The following PKD1L1 variants were observed in gnomAD, a reference collection of about 807,000 sequenced individuals.
PKD1L1 encodes polycystin 1 like 1, transient receptor potential channel interacting, also known as polycystin-1-like protein 1.
In PKD1L1, 236 loss-of-function variants were observed where a neutral mutation model predicts 323.4. That is an observed-to-expected ratio of 0.73 (90% CI 0.66 to 0.81). PKD1L1 has a LOEUF of 0.81. Among genes scored for constraint, PKD1L1 ranks in the 40% least tolerant of loss-of-function variants. The pLI is 0.00. For missense variants in PKD1L1, 3,320 were observed against 3,508.0 expected (o/e 0.95, Z 1.35); for synonymous variants, 1,344 against 1,335.0 (o/e 1.01, Z -0.15).
intron 41 of PKD1L1, among the ~76,000 whole-genome samples, chr7:47,831,737 G>C (rs1017408294): frequency 6.6e-6 from 1 of 152,192 alleles, no homozygotes; most frequent in East Asian, 1.9e-4. Flanking sequence ...CCCTCAGAAG[G>C]CTTTTGGGGA....
chr7:47,931,286 G>A lies in PKD1L1; in HGVS notation c.555C>T (p.Ser185=), dbSNP rs753066409. Residue 185 remains serine (S), a synonymous_variant, in exon 6 of 57, where the codon AGC becomes AGT. Transcript: ENST00000289672. ...CACAGCAGGAAGCCTCCATCTTCAG[G>A]CTGCAGGGAGCTGCTGCAGAAGTGG... ...QGTTSAAAPC[S]LKMEASCCVL... 7 of 1,614,116 alleles carry A rather than the reference G, an allele frequency of 4.3e-6. No homozygotes were observed. In the South Asian group the frequency reaches 4.4e-5, roughly 10 times the overall value.
intron 41 of PKD1L1, 26 bp from the exon 42 acceptor site, chr7:47,831,378 G>A (rs1179099921): frequency 6.3e-7 from 1 of 1,594,584 alleles, no homozygotes. Flanking sequence ...ACAGAGACAA[G>A]GCAGCTTAAG....
chr7:47,821,189 G>A lies in PKD1L1; in HGVS notation c.6855-3C>T. On this transcript the variant is annotated splice_polypyrimidine_tract_variant and splice_region_variant and intron_variant, in intron 45 of 56. Coordinates refer to ENST00000289672, the MANE Select transcript of PKD1L1 (RefSeq NM_138295.5). ...TGAGGATGTCCATGGAAATGTCTCT[G>A]TAAGAAGAGTTTTTAAGTTAGCATC... is the stretch of plus-strand genomic sequence containing the variant. 1.3e-6 allele frequency: 2 copies of A among 1,583,982 alleles called. No homozygotes were observed. Among genetic ancestry groups the A allele is most frequent in the South Asian group, 1.1e-5 (1 of 90,264 alleles).
At chr7:47,801,399 G>A (rs1465340320) in intron 53 of PKD1L1, among the ~76,000 whole-genome samples, 2 of 152,204 alleles carry the variant, frequency 1.3e-5, no homozygotes, top group South Asian at 2.1e-4. Context: ...ACTTGGCCTG[G>A]GATCTGAGGG....
At chr7:47,927,511 G>A (rs1457021391) in intron 7 of PKD1L1, among the ~76,000 whole-genome samples, 1 of 152,002 alleles carries the variant, frequency 6.6e-6, no homozygotes, top group Non-Finnish European at 1.5e-5. Flanking sequence ...TGATCCACCC[G>A]CCTCGGTCTC....
At chr7:47,936,692 T>C (rs1009698564) in intron 4 of PKD1L1, among the ~76,000 whole-genome samples, 154 bp downstream of exon 4, 4 of 152,214 alleles carry the variant, frequency 2.6e-5, no homozygotes, top group Non-Finnish European at 5.9e-5. Context: ...AGAACACCAT[T>C]CTTTTTTCCA....
chr7:47,882,304 CCCTT>C (rs934547812), intron 19 of PKD1L1, among the ~76,000 whole-genome samples: 10 of 139,522 alleles, frequency 7.2e-5, no homozygotes, highest in African/African-American at 2.6e-4. Flanking sequence ...CTCCCTCCCT[CCCTT>C]CCTATCTTCC....
chr7:47,942,390 G>A (rs750919403), intron 2 of PKD1L1, among the ~76,000 whole-genome samples: 13 of 152,052 alleles, frequency 8.5e-5, no homozygotes, highest in Admixed American at 3.9e-4. Flanking sequence ...AAGAATTGGC[G>A]TTGCATTGTT....
Position 47,854,999 on chromosome 7 carries a change from T to A in PKD1L1, c.4742A>T (p.Asp1581Val). Residue 1581 changes from aspartate to valine, a missense_variant, in exon 30 of 57, where the codon GAT becomes GTT. Physicochemically the swap from Asp to Val is radical, Grantham distance 152 (BLOSUM62 -3). Coordinates refer to ENST00000289672, the MANE Select transcript of PKD1L1 (RefSeq NM_138295.5). ...RNKTTFVLLR[D>V]KVNLHQFTEL... ...AGTGAACTGATGGAGATTCACTTTATCCCGAAGTAATACAAATGTCGTTTT... is the reference window on the plus strand; with the variant it reads ...AGTGAACTGATGGAGATTCACTTTAACCCGAAGTAATACAAATGTCGTTTT... 1 of 1,613,902 alleles carries A rather than the reference T, an allele frequency of 6.2e-7. No homozygotes were observed. The highest frequency in any genetic ancestry group is 8.5e-7 in the Non-Finnish European group (1 of 1,179,992).
intron 46 of PKD1L1, among the ~76,000 whole-genome samples, chr7:47,817,573 G>A (rs1300730937): frequency 1.3e-5 from 2 of 152,032 alleles, no homozygotes; most frequent in East Asian, 1.9e-4. Context: ...AAATGTGTTC[G>A]AAAATTTCCA....
intron 56 of PKD1L1, among the ~76,000 whole-genome samples, chr7:47,782,917 C>A (rs562513086): frequency 2.3e-4 from 35 of 152,290 alleles, no homozygotes; most frequent in African/African-American, 6.5e-4. Flanking sequence ...GACACTCACT[C>A]CCAAACCGCT....
Position 47,813,239 on chromosome 7 carries a change from C to G in PKD1L1, c.7228G>C (p.Glu2410Gln). The change falls in exon 49 of 57, where the codon GAA (glutamate) becomes CAA (glutamine). Residue 2410 changes from glutamate (E) to glutamine (Q), a missense_variant. Glu to Gln is a conservative substitution (Grantham distance 29). Coordinates refer to ENST00000289672, the MANE Select transcript of PKD1L1 (RefSeq NM_138295.5). ...IEDSIPTCSPEVGGPENPYLI... is the reference protein window; with the variant it reads ...IEDSIPTCSPQVGGPENPYLI... ...TAGGGGTTCTCAGGGCCTCCAACTT[C>G]GGGACTACATGTAGGAATAGAGTCT... 1 of 1,614,032 alleles carries G rather than the reference C, an allele frequency of 6.2e-7. No homozygotes were observed. The highest frequency in any genetic ancestry group is 8.5e-7 in the Non-Finnish European group (1 of 1,179,990).
In PKD1L1 at chr7:47,827,440, T is replaced by TG. The variant is rs764242161; in HGVS notation, c.6763dup (p.His2255ProfsTer55). Reference sequence around the variant, plus strand: ...GGATGGTGGATGCGCCCAGCGCAGGTGGCGAGCTTGTTGTCGGGCAGCCAA... The same window carrying TG: ...GGATGGTGGATGCGCCCAGCGCAGGTGGGCGAGCTTGTTGTCGGGCAGCCAA... On this transcript the variant is annotated frameshift_variant, in exon 45 of 57. Transcript: ENST00000289672. LOFTEE classifies it high-confidence loss of function. 1.9e-6 allele frequency: 3 copies of TG among 1,611,620 alleles called. No individual in the cohort carries two copies. Among genetic ancestry groups the TG allele is most frequent in the South Asian group, 1.1e-5 (1 of 90,798 alleles).
chr7:47,902,584 C>T (rs1787116922), intron 12 of PKD1L1, 73 bp from the exon 13 acceptor site: 8 of 1,511,146 alleles, frequency 5.3e-6, no homozygotes, highest in Middle Eastern at 1.7e-4. Context: ...ACTCTTCATA[C>T]CCACTCATAT....
At chr7:47,881,824 C>T (rs946024297) in intron 20 of PKD1L1, 85 bp downstream of exon 20, 138 of 1,362,306 alleles carry the variant, frequency 1.0e-4, no homozygotes, top group East Asian at 7.3e-4. Flanking sequence ...TCTAGTAAAA[C>T]GAAAAGTTCA....
At chr7:47,813,537 C>T (rs570107155) in intron 48 of PKD1L1, 3 of 687,060 alleles carry the variant, frequency 4.4e-6, no homozygotes, top group South Asian at 1.5e-5. Context: ...AAGGCTTAGA[C>T]CACTTGAAGA....
At chr7:47,895,142 G>A (rs1054424978) in intron 14 of PKD1L1, among the ~76,000 whole-genome samples, 20 of 152,200 alleles carry the variant, frequency 1.3e-4, no homozygotes, top group Admixed American at 1.2e-3. Context: ...GCTGCTTGGG[G>A]AAGATGCAGG....
intron 3 of PKD1L1, among the ~76,000 whole-genome samples, chr7:47,938,620 T>C (rs1787916987): frequency 6.6e-6 from 1 of 152,140 alleles, no homozygotes; most frequent in African/African-American, 2.4e-5. Flanking sequence ...ACTGGGGCTG[T>C]AGAGAGCAGA....
intron 56 of PKD1L1, among the ~76,000 whole-genome samples, chr7:47,786,614 G>A (rs912360195): frequency 3.3e-5 from 5 of 152,236 alleles, no homozygotes; most frequent in African/African-American, 7.2e-5. Context: ...CCCTCTGGAT[G>A]TTCCTGCCTT....
Sources: allele counts gnomAD v4.1 joint callset (sites outside exome capture counted in the v4.1 genomes callset), GRCh38; gene constraint gnomAD v4.1.1; transcripts MANE v1.5; gene names NCBI Gene and HGNC (gene_info 2026-07-23, HGNC 2026-07-21).